The following SMAD3 variants were observed in gnomAD, a reference collection of about 807,000 sequenced individuals.
SMAD3 encodes MAD homolog 3.
Under a neutral mutation model 51.8 loss-of-function variants are expected in SMAD3, and 12 were observed. The observed-to-expected ratio is 0.23, with a 90% CI of 0.15 to 0.38. The LOEUF (loss-of-function observed/expected upper bound fraction) is 0.38, where lower values mean the gene tolerates loss of function less well. Among genes scored for constraint, SMAD3 ranks in the 10% least tolerant of loss-of-function variants. The pLI, the probability that SMAD3 is intolerant of heterozygous loss-of-function variation, is 1.00. For missense variants in SMAD3, 294 were observed against 565.6 expected, an observed-to-expected ratio of 0.52 and a Z score of 4.87; for synonymous variants, 238 against 227.7, an observed-to-expected ratio of 1.05 and a Z score of -0.41.
chr15:67,085,003 A>G (rs1256887189), intron 1 of SMAD3, among the ~76,000 whole-genome samples: 1 of 152,042 alleles, frequency 6.6e-6, no homozygotes, highest in Non-Finnish European at 1.5e-5. Flanking sequence ...TTTTTCATGA[A>G]CCTCAGACAG....
intron 1 of SMAD3, among the ~76,000 whole-genome samples, chr15:67,096,821 G>A (rs956355173): frequency 9.2e-5 from 14 of 152,178 alleles, no homozygotes; most frequent in African/African-American, 2.9e-4. Context: ...GAGCTAAGAA[G>A]CATCATATAG....
chr15:67,106,907 G>A (rs1163297396), intron 1 of SMAD3, among the ~76,000 whole-genome samples: 2 of 152,132 alleles, frequency 1.3e-5, no homozygotes, highest in Admixed American at 6.5e-5. Context: ...TACCCCAGGG[G>A]ACCCAGAACG....
chr15:67,158,861 T>TA (rs1399761683), intron 1 of SMAD3, among the ~76,000 whole-genome samples: 3 of 152,194 alleles, frequency 2.0e-5, no homozygotes, highest in Non-Finnish European at 4.4e-5. Flanking sequence ...ACCTACCGTG[T>TA]TCCTTACTTT....
At chr15:67,068,613 G>C (rs1245180368) in intron 1 of SMAD3, among the ~76,000 whole-genome samples, 1 of 152,210 alleles carries the variant, frequency 6.6e-6, no homozygotes, top group Non-Finnish European at 1.5e-5. Flanking sequence ...TGCCTGCCTG[G>C]ATAGGACTGA....
At chr15:67,176,779 T>C (rs962941535) in intron 5 of SMAD3, among the ~76,000 whole-genome samples, 1 of 152,064 alleles carries the variant, frequency 6.6e-6, no homozygotes, top group Non-Finnish European at 1.5e-5. Flanking sequence ...ACCACACTGG[T>C]GGGGGAGGGG....
chr15:67,157,835 A>C (rs973342008), intron 1 of SMAD3, among the ~76,000 whole-genome samples: 2 of 152,164 alleles, frequency 1.3e-5, no homozygotes, highest in African/African-American at 4.8e-5. Flanking sequence ...GTCCCGCTTG[A>C]AGCCAATGGG....
chr15:67,167,164 A>C (rs1030904207), intron 4 of SMAD3, among the ~76,000 whole-genome samples: 4 of 152,172 alleles, frequency 2.6e-5, no homozygotes, highest in African/African-American at 9.7e-5. Flanking sequence ...AGCACCTTGC[A>C]GTCCAGGTTT....
intron 1 of SMAD3, among the ~76,000 whole-genome samples, chr15:67,150,576 CAGG>C (rs1303240060): frequency 2.0e-5 from 3 of 152,160 alleles, no homozygotes; most frequent in Non-Finnish European, 4.4e-5. Context: ...GACCTGACTG[CAGG>C]AGGCGGGAGG....
chr15:67,118,713 C>G (rs549821797), intron 1 of SMAD3, among the ~76,000 whole-genome samples: 1 of 152,250 alleles, frequency 6.6e-6, no homozygotes, highest in African/African-American at 2.4e-5. Context: ...TCGTGAACAT[C>G]CCATTGTGCA....
chr15:67,147,556 G>C (rs1306972284), intron 1 of SMAD3, among the ~76,000 whole-genome samples: 1 of 152,142 alleles, frequency 6.6e-6, no homozygotes, highest in Non-Finnish European at 1.5e-5. Context: ...GAAGGTGGTG[G>C]TGAAATGCCC....
At position 67,190,994 on chromosome 15, in the gene SMAD3, C is replaced by A; in HGVS notation, c.*458C>A. 4.1e-6 allele frequency: 1 copy of A among 244,750 alleles called. No homozygotes were observed. Among genetic ancestry groups the A allele is most frequent in the Non-Finnish European group, 8.0e-6 (1 of 124,452 alleles). 15.2% of individuals were successfully genotyped at this position (244,750 alleles called of 1,614,324 possible). ...GCAGACCTCATGCCCAGCTCTCTGA[C>A]GCTTGTGACAGTGCCTCTTCCAGTG... On this transcript the variant is annotated 3_prime_UTR_variant, in exon 9 of 9. Coordinates refer to ENST00000327367, the MANE Select transcript of SMAD3 (RefSeq NM_005902.4).
At chr15:67,184,603 T>G in intron 6 of SMAD3, 124 bp from the exon 7 acceptor site, 2 of 1,232,186 alleles carry the variant, frequency 1.6e-6, no homozygotes, top group South Asian at 1.2e-5. Flanking sequence ...CCCGTTTGCC[T>G]GGGGAAGCTG....
At chr15:67,135,225 G>T (rs1043858689) in intron 1 of SMAD3, among the ~76,000 whole-genome samples, 5 of 152,184 alleles carry the variant, frequency 3.3e-5, no homozygotes, top group African/African-American at 1.2e-4. Flanking sequence ...AGGGGAGAGA[G>T]GGTGACCCCC....
chr15:67,066,003 C>G lies in SMAD3; in HGVS notation c.-152C>G. The G allele has an allele frequency of 3.4e-6, 1 of 290,544 alleles. No homozygotes were observed. Among genetic ancestry groups the G allele is most frequent in the Non-Finnish European group, 6.1e-6 (1 of 165,200 alleles). The allele number at this position is 290,544 out of a possible 1,614,324, so 18.0% of individuals were successfully genotyped here. On this transcript the variant is annotated 5_prime_UTR_variant, in exon 1 of 9. Transcript: ENST00000327367. ...CCCCGCAGGCTGCAGCGCCGCGGCCCGGCCCGGCGCCCCGGCAACTTCGCC... is the reference window on the plus strand; with the variant it reads ...CCCCGCAGGCTGCAGCGCCGCGGCCGGGCCCGGCGCCCCGGCAACTTCGCC...
At chr15:67,129,491 ATTG>A (rs10534931) in intron 1 of SMAD3, among the ~76,000 whole-genome samples, 30,372 of 152,080 alleles carry the variant, frequency 0.2, 3,158 homozygotes, top group East Asian at 0.34. Context: ...ATTATTAGTT[ATTG>A]TTGTTAATCT....
In SMAD3 at chr15:67,184,857, C is replaced by T. The variant is rs748178271; in HGVS notation, c.1002C>T (p.Ile334=). 5 of 1,612,946 alleles carry T rather than the reference C, an allele frequency of 3.1e-6. No individual in the cohort carries two copies. Among genetic ancestry groups the T allele is most frequent in the Non-Finnish European group, 3.4e-6 (4 of 1,180,028 alleles). The change falls in exon 7 of 9, where the codon ATC becomes ATT. Residue 334 remains isoleucine (I), a synonymous_variant. Coordinates refer to ENST00000327367, the MANE Select transcript of SMAD3 (RefSeq NM_005902.4). ...YGWHPATVCK[I]PPGCNLKIFN... is the part of the protein sequence containing the mutation. ...GGCACCCGGCCACCGTCTGCAAGAT[C>T]CCACCAGGTAAACGAGCCGCACAGG...
chr15:67,110,369 C>T (rs1960985827), intron 1 of SMAD3, among the ~76,000 whole-genome samples: 1 of 152,118 alleles, frequency 6.6e-6, no homozygotes, highest in Admixed American at 6.5e-5. Context: ...ATGACCCCAG[C>T]CTGTAGCGGG....
intron 1 of SMAD3, among the ~76,000 whole-genome samples, chr15:67,161,756 GA>G (rs1962437214): frequency 3.9e-5 from 6 of 152,174 alleles, no homozygotes. Flanking sequence ...GGGTGTTTAT[GA>G]AGCACTTTCA....
At chr15:67,080,448 G>A (rs925273560) in intron 1 of SMAD3, among the ~76,000 whole-genome samples, 2 of 152,092 alleles carry the variant, frequency 1.3e-5, no homozygotes, top group Admixed American at 6.5e-5. Flanking sequence ...GGGCATTCAC[G>A]TGGCTCTACT....
Sources: gnomAD v4.1 joint callset for allele counts (sites outside exome capture counted in the v4.1 genomes callset) on GRCh38, gnomAD v4.1.1 for gene constraint, MANE v1.5 for transcripts, NCBI Gene and HGNC (gene_info 2026-07-23, HGNC 2026-07-21) for gene names.